Variants in CLSTN2 observed in about 807,000 individuals in gnomAD.
CLSTN2 encodes the protein calsyntenin-2.
In CLSTN2, 48 loss-of-function variants were observed where a neutral mutation model predicts 101.2. That is an observed-to-expected ratio of 0.47 (90% CI 0.38 to 0.60). The LOEUF is 0.60. Ranked by LOEUF, CLSTN2 falls within the 20% of genes least tolerant of loss-of-function variation. CLSTN2 has a pLI of 0.00. For synonymous variants in CLSTN2, 481 were observed against 463.6 expected, an observed-to-expected ratio of 1.04 and a Z score of -0.48; for missense variants, 1,160 against 1,238.2, an observed-to-expected ratio of 0.94 and a Z score of 0.95.
chr3:140,247,417 T>G (rs745746429), intron 2 of CLSTN2, among the ~76,000 whole-genome samples: 1 of 152,204 alleles, frequency 6.6e-6, no homozygotes, highest in African/African-American at 2.4e-5. Context: ...AGGGGACCTT[T>G]GGGAAGCTCT....
chr3:140,377,022 C>CACACACAGAGAGAGAGAG (rs148236356), intron 2 of CLSTN2, among the ~76,000 whole-genome samples: 9 of 148,832 alleles, frequency 6.0e-5, no homozygotes, highest in African/African-American at 1.0e-4. Context: ...CACACATACA[C>CACACACAGAGAGAGAGAG]AGAGAGAGAG....
intron 1 of CLSTN2, among the ~76,000 whole-genome samples, chr3:140,021,410 C>T (rs2007313316): frequency 1.3e-5 from 2 of 152,276 alleles, no homozygotes; most frequent in South Asian, 4.1e-4. Context: ...AACCCAATGG[C>T]GTGGCGTACC....
chr3:140,228,991 A>G (rs956788801), intron 2 of CLSTN2, among the ~76,000 whole-genome samples: 3 of 152,190 alleles, frequency 2.0e-5, no homozygotes, highest in African/African-American at 4.8e-5. Flanking sequence ...TGGAGAAGAG[A>G]AAGATTATGT....
intron 1 of CLSTN2, among the ~76,000 whole-genome samples, chr3:140,011,453 A>G (rs953482966): frequency 2.0e-5 from 3 of 152,094 alleles, no homozygotes; most frequent in Non-Finnish European, 1.5e-5. Context: ...GCAGATGACC[A>G]TCCTGCCCAC....
chr3:140,324,523 G>A (rs1444362766), intron 2 of CLSTN2, among the ~76,000 whole-genome samples: 1 of 152,164 alleles, frequency 6.6e-6, no homozygotes, highest in East Asian at 1.9e-4. Flanking sequence ...AGACCAAAAT[G>A]TTGACAGCAA....
chr3:140,390,715 C>G (rs1396475289), intron 2 of CLSTN2, among the ~76,000 whole-genome samples: 1 of 152,182 alleles, frequency 6.6e-6, no homozygotes, highest in Non-Finnish European at 1.5e-5. Context: ...CTATCCATTT[C>G]TCCTTCAAGT....
chr3:140,231,103 C>A (rs1357419915), intron 2 of CLSTN2, among the ~76,000 whole-genome samples: 2 of 152,178 alleles, frequency 1.3e-5, no homozygotes, highest in Admixed American at 6.5e-5. Flanking sequence ...TTCTCACCAC[C>A]ATAACAGTCA....
At position 140,028,018 on chromosome 3, in the gene CLSTN2, A is replaced by G. The variant is rs1187389929; in HGVS notation, c.109+92535A>G. The stretch of plus-strand genomic sequence containing the variant: ...TCACCCTCCCATGCATGCTGTGCAG[A>G]AGGTAATGATGTGTTCAGGAAGCTG... On this transcript the variant is annotated intron_variant, in intron 1 of 16. Coordinates refer to ENST00000458420, the MANE Select transcript of CLSTN2 (RefSeq NM_022131.3). Among the ~76,000 whole-genome samples the G allele has an allele frequency of 3.3e-5, 5 of 152,208 alleles. No individual in the cohort carries two copies. In the East Asian group the frequency reaches 5.8e-4, roughly 18 times the overall value.
intron 2 of CLSTN2, among the ~76,000 whole-genome samples, chr3:140,214,861 C>T (rs1002346875): frequency 2.0e-5 from 3 of 152,102 alleles, no homozygotes; most frequent in Non-Finnish European, 2.9e-5. Context: ...TTTGGAAAAG[C>T]GTAGGTGCCA....
At chr3:140,449,948 G>A (rs1477561758) in intron 6 of CLSTN2, 1 of 152,326 alleles carries the variant, frequency 6.6e-6, no homozygotes, top group Non-Finnish European at 1.5e-5. Context: ...TCACTTGTGA[G>A]GGACAGAGAG....
chr3:140,365,968 CAT>C (rs2087783923), intron 2 of CLSTN2, among the ~76,000 whole-genome samples: 1 of 152,188 alleles, frequency 6.6e-6, no homozygotes, highest in East Asian at 1.9e-4. Context: ...TCCTCACTGG[CAT>C]TCTTAGAAAG....
At chr3:140,497,526 C>T (rs1934493112) in intron 8 of CLSTN2, among the ~76,000 whole-genome samples, 1 of 152,178 alleles carries the variant, frequency 6.6e-6, no homozygotes, top group Admixed American at 6.5e-5. Flanking sequence ...GCCGCCCCCA[C>T]CTCAGGAGCT....
chr3:140,053,315 T>G (rs2008033512), intron 1 of CLSTN2, among the ~76,000 whole-genome samples: 2 of 152,220 alleles, frequency 1.3e-5, no homozygotes, highest in South Asian at 4.1e-4. Context: ...TAATTGAATT[T>G]GTATACACCG....
intron 2 of CLSTN2, among the ~76,000 whole-genome samples, chr3:140,329,085 G>T (rs1381928962): frequency 6.6e-6 from 1 of 152,186 alleles, no homozygotes; most frequent in African/African-American, 2.4e-5. Context: ...TGGAATAGAT[G>T]ATCTGAAAGA....
chr3:140,337,767 G>A (rs1559842673), intron 2 of CLSTN2, among the ~76,000 whole-genome samples: 1 of 152,230 alleles, frequency 6.6e-6, no homozygotes, highest in Admixed American at 6.5e-5. Context: ...CATGGAAACT[G>A]AGACTCCACC....
At position 139,997,001 on chromosome 3, in the gene CLSTN2, C is replaced by T. The variant is rs375153869; in HGVS notation, c.109+61518C>T. Among the ~76,000 whole-genome samples the T allele has an allele frequency of 7.1e-4, 106 of 148,566 alleles. 2 individuals carry two copies. In the East Asian group the frequency reaches 0.011, roughly 15 times the overall value. ...GGCGGAAGTTGCAGTCAGCCAAGAT[C>T]GCGCCATTGCACTCCAGCCTGGGCA... On this transcript the variant is annotated intron_variant, in intron 1 of 16. Transcript: ENST00000458420.
intron 5 of CLSTN2, among the ~76,000 whole-genome samples, chr3:140,434,949 G>A (rs1467539562): frequency 6.6e-6 from 1 of 152,032 alleles, no homozygotes; most frequent in Non-Finnish European, 1.5e-5. Context: ...TACATAGTAG[G>A]TGTATATATT....
chr3:140,085,529 A>G (rs1196566334), intron 1 of CLSTN2, among the ~76,000 whole-genome samples: 2 of 152,000 alleles, frequency 1.3e-5, no homozygotes, highest in Non-Finnish European at 2.9e-5. Flanking sequence ...ACATCTTCTC[A>G]CCTTTAATGA....
intron 5 of CLSTN2, among the ~76,000 whole-genome samples, chr3:140,426,412 A>C (rs2088565502): frequency 1.3e-5 from 2 of 152,222 alleles, no homozygotes; most frequent in African/African-American, 4.8e-5. Context: ...TTTGCTGAGG[A>C]TAATGGTTTC....
Sources: gnomAD v4.1 joint callset for allele counts (sites outside exome capture counted in the v4.1 genomes callset) on GRCh38, gnomAD v4.1.1 for gene constraint, MANE v1.5 for transcripts, NCBI Gene and HGNC (gene_info 2026-07-23, HGNC 2026-07-21) for gene names.